The following CD2AP variants were observed in gnomAD, a reference collection of about 807,000 sequenced individuals.
The protein encoded by CD2AP is CD2 associated protein.
A neutral mutation model predicts 85.1 loss-of-function variants in CD2AP; 46 were observed. The ratio of observed to expected loss-of-function variants is 0.54; its 90% CI spans 0.43 to 0.69. CD2AP has a LOEUF of 0.69. Among genes scored for constraint, CD2AP ranks in the 30% least tolerant of loss-of-function variants. The pLI is 0.00. For missense variants in CD2AP, 769 were observed against 729.5 expected (o/e 1.05, Z -0.62); for synonymous variants, 255 against 252.9 (o/e 1.01, Z -0.08).
At chr6:47,495,604 T>A (rs1345719984) in intron 1 of CD2AP, among the ~76,000 whole-genome samples, 2 of 152,196 alleles carry the variant, frequency 1.3e-5, no homozygotes, top group Non-Finnish European at 2.9e-5. Flanking sequence ...CGTCCGTGAC[T>A]CTCTGGCTTT....
intron 12 of CD2AP, among the ~76,000 whole-genome samples, chr6:47,596,699 T>C (rs2114132385): frequency 6.6e-6 from 1 of 152,256 alleles, no homozygotes; most frequent in South Asian, 2.1e-4. Flanking sequence ...TTGGCTGTTG[T>C]GAATAGTGCT....
At chr6:47,615,323 G>A (rs1295751091) in intron 17 of CD2AP, among the ~76,000 whole-genome samples, 1 of 152,190 alleles carries the variant, frequency 6.6e-6, no homozygotes, top group Non-Finnish European at 1.5e-5. Context: ...GGTTTGGAAT[G>A]ATAGTATTAG....
chr6:47,595,151 A>C (rs2114129520), intron 11 of CD2AP, among the ~76,000 whole-genome samples: 1 of 152,128 alleles, frequency 6.6e-6, no homozygotes, highest in African/African-American at 2.4e-5. Context: ...ATGTGTAATA[A>C]AAGAGTACTT....
chr6:47,509,439 A>C (rs1766260716), intron 2 of CD2AP, among the ~76,000 whole-genome samples: 1 of 149,370 alleles, frequency 6.7e-6, no homozygotes, highest in Admixed American at 6.7e-5. Flanking sequence ...TCAATTTGTA[A>C]AAAAAAAAAA....
At chr6:47,510,533 G>A (rs1766284507) in intron 2 of CD2AP, among the ~76,000 whole-genome samples, 1 of 152,108 alleles carries the variant, frequency 6.6e-6, no homozygotes, top group Non-Finnish European at 1.5e-5. Context: ...AACCCAACCT[G>A]AAGGAGCTCC....
In CD2AP at chr6:47,479,358, T is replaced by A. The variant is rs545698704; in HGVS notation, c.4+1110T>A. Among the ~76,000 whole-genome samples, 5 of 152,324 alleles carry A rather than the reference T, an allele frequency of 3.3e-5. No individual in the cohort carries two copies. In the South Asian group the frequency reaches 1.0e-3, roughly 32 times the overall value. Reference sequence around the variant, plus strand: ...ACAGACTACTGCTGATGTGGCACCCTCTGTCCACACTTTGCTTTGTGGGGG... The same window carrying A: ...ACAGACTACTGCTGATGTGGCACCCACTGTCCACACTTTGCTTTGTGGGGG... On this transcript the variant is annotated intron_variant, in intron 1 of 17. Transcript: ENST00000359314.
intron 4 of CD2AP, among the ~76,000 whole-genome samples, chr6:47,547,893 C>T (rs542163484): frequency 2.0e-5 from 3 of 152,114 alleles, no homozygotes; most frequent in East Asian, 1.9e-4. Context: ...CATGCAAATA[C>T]GTGGAAATTA....
intron 17 of CD2AP, among the ~76,000 whole-genome samples, chr6:47,620,271 C>T (rs1769709482): frequency 6.6e-6 from 1 of 152,188 alleles, no homozygotes; most frequent in Admixed American, 6.5e-5. Context: ...TTTCATTCTC[C>T]TACATGCGGC....
At chr6:47,560,970 G>A (rs1767844424) in intron 5 of CD2AP, among the ~76,000 whole-genome samples, 1 of 152,124 alleles carries the variant, frequency 6.6e-6, no homozygotes, top group African/African-American at 2.4e-5. Flanking sequence ...ACAAACTTTT[G>A]TCTTTCTCCG....
At chr6:47,608,614 C>T (rs748741607) in intron 15 of CD2AP, among the ~76,000 whole-genome samples, 1 of 152,144 alleles carries the variant, frequency 6.6e-6, no homozygotes, top group Non-Finnish European at 1.5e-5. Context: ...CTGATTCTCT[C>T]AGCTGTCAGC....
At chr6:47,513,682 A>G (rs1246453204) in intron 2 of CD2AP, among the ~76,000 whole-genome samples, 1 of 151,888 alleles carries the variant, frequency 6.6e-6, no homozygotes, top group African/African-American at 2.4e-5. Context: ...GATATTTAGG[A>G]CTTTTTTTCA....
chr6:47,564,861 G>GTTT (rs35515675), intron 5 of CD2AP, among the ~76,000 whole-genome samples: 132,591 of 151,662 alleles, frequency 0.87, 58,263 homozygotes, highest in Non-Finnish European at 0.92. Flanking sequence ...TTATATAAGT[G>GTTT]TTTTCTTTTT....
chr6:47,522,261 CA>C (rs1205565497), intron 2 of CD2AP, among the ~76,000 whole-genome samples: 9 of 152,096 alleles, frequency 5.9e-5, no homozygotes, highest in Admixed American at 5.9e-4. Context: ...GGAATGATAT[CA>C]AAAGAGAAGG....
rs775183449 is a variant in CD2AP, at chr6:47,609,276, A to G, written c.1786A>G (p.Ile596Val). The change falls in exon 16 of 18, where the codon ATT becomes GTT. Residue 596 changes from isoleucine to valine, a missense_variant. Physicochemically the swap from Ile to Val is conservative, Grantham distance 29 (BLOSUM62 3). Coordinates refer to ENST00000359314, the MANE Select transcript of CD2AP (RefSeq NM_012120.3). ...AGCCCAGATTATTGAATTGTTGTGC[A>G]TTGTAGAAGCACTGAAAAAGGATCA... is the stretch of plus-strand genomic sequence containing the variant. ...LRAQIIELLCIVEALKKDHGK... is the reference protein window; with the variant it reads ...LRAQIIELLCVVEALKKDHGK... 3.7e-5 allele frequency: 59 copies of G among 1,613,508 alleles called. No homozygotes were observed. The highest frequency in any genetic ancestry group is 2.5e-4 in the Admixed American group (15 of 59,986).
intron 11 of CD2AP, among the ~76,000 whole-genome samples, chr6:47,585,854 T>C (rs768829951): frequency 1.1e-4 from 17 of 152,202 alleles, no homozygotes; most frequent in Admixed American, 7.9e-4. Context: ...ATATAGCACA[T>C]TGGATAGAGT....
intron 8 of CD2AP, among the ~76,000 whole-genome samples, chr6:47,578,519 G>A (rs925323235): frequency 2.6e-5 from 4 of 152,120 alleles, no homozygotes; most frequent in Admixed American, 1.3e-4. Context: ...TGGTCAAATC[G>A]TGTTAATTTT....
chr6:47,534,162 G>T (rs777226576), intron 3 of CD2AP, among the ~76,000 whole-genome samples: 2 of 152,070 alleles, frequency 1.3e-5, no homozygotes, highest in Non-Finnish European at 2.9e-5. Context: ...AAGGTGGTTG[G>T]CCTTGCAAAT....
Position 47,479,732 on chromosome 6 carries a change from G to T in CD2AP, c.4+1484G>T, listed in dbSNP as rs190027288. Among the ~76,000 whole-genome samples the T allele has an allele frequency of 2.6e-5, 4 of 152,252 alleles. 1 individual carries two copies. The East Asian group carries it at 7.7e-4, about 29-fold the overall frequency. On this transcript the variant is annotated intron_variant, in intron 1 of 17. Transcript: ENST00000359314. ...AGAATAAAATTAAACTACTTTGGAT[G>T]ACCTGGGGATGCAGTCTTGTTTTGC...
intron 1 of CD2AP, among the ~76,000 whole-genome samples, chr6:47,499,103 C>T (rs144757637): frequency 3.0e-4 from 45 of 152,202 alleles, no homozygotes; most frequent in African/African-American, 8.7e-4. Flanking sequence ...TTGATAACTT[C>T]CTTACTTTCT....
Sources: allele counts gnomAD v4.1 joint callset (sites outside exome capture counted in the v4.1 genomes callset), GRCh38; gene constraint gnomAD v4.1.1; transcripts MANE v1.5; gene names NCBI Gene and HGNC (gene_info 2026-07-23, HGNC 2026-07-21).